Variants in CACHD1 observed in about 807,000 individuals in gnomAD.
CACHD1 encodes VWFA and cache domain-containing protein 1.
CACHD1 carries 71 observed loss-of-function variants against 138.7 expected under a neutral mutation model. The observed-to-expected ratio is 0.51, with a 90% CI of 0.42 to 0.62. CACHD1 has a LOEUF of 0.62. CACHD1 is among the 20% of genes least tolerant of loss of function. CACHD1 has a pLI of 0.00. For synonymous variants in CACHD1, 578 were observed against 591.5 expected (o/e 0.98, Z 0.33); for missense variants, 1,389 against 1,625.3 (o/e 0.85, Z 2.50).
At chr1:64,569,113 G>A (rs1416839011) in intron 2 of CACHD1, among the ~76,000 whole-genome samples, 5 of 151,652 alleles carry the variant, frequency 3.3e-5, no homozygotes, top group Non-Finnish European at 5.9e-5. Context: ...TAGAGATGGG[G>A]TCTCTCCATG....
intron 2 of CACHD1, among the ~76,000 whole-genome samples, chr1:64,572,264 G>A (rs1489695129): frequency 2.0e-5 from 3 of 152,132 alleles, no homozygotes; most frequent in Non-Finnish European, 4.4e-5. Flanking sequence ...AAGAATAGGT[G>A]GAACTTCTTT....
chr1:64,597,655 G>A (rs144594827), intron 3 of CACHD1, among the ~76,000 whole-genome samples: 88 of 150,916 alleles, frequency 5.8e-4, no homozygotes, highest in African/African-American at 2.0e-3. Context: ...TAGAGTCAGG[G>A]TCTAAAGGAG....
In CACHD1 at chr1:64,567,637, A is replaced by G. The variant is rs1289168209; in HGVS notation, c.262-14519A>G. On this transcript the variant is annotated intron_variant, in intron 2 of 26. Transcript: ENST00000651257. Reference sequence around the variant, plus strand: ...AGGTGATAGGATTGGGATTTTAGCCAAAGTGGTCTAACTCTAAAACCCATG... The same window carrying G: ...AGGTGATAGGATTGGGATTTTAGCCGAAGTGGTCTAACTCTAAAACCCATG... 2.6e-5 allele frequency among the ~76,000 whole-genome samples: 4 copies of G among 152,270 alleles called. No individual in the cohort carries two copies. In the South Asian group the frequency reaches 8.3e-4, roughly 32 times the overall value.
chr1:64,683,404 G>C (rs1455526991), intron 26 of CACHD1, among the ~76,000 whole-genome samples: 1 of 152,184 alleles, frequency 6.6e-6, no homozygotes, highest in Non-Finnish European at 1.5e-5. Context: ...GGCTACTAAA[G>C]TTCAACAGAA....
At chr1:64,681,541 G>GTTTTGT (rs1553146853) in intron 25 of CACHD1, among the ~76,000 whole-genome samples, 1 of 68,132 alleles carries the variant, frequency 1.5e-5, no homozygotes, top group African/African-American at 7.3e-5. Flanking sequence ...ATTTTATTGT[G>GTTTTGT]TTTTTTTTTT....
chr1:64,585,118 A>T (rs1314574437), intron 3 of CACHD1, among the ~76,000 whole-genome samples: 1 of 152,212 alleles, frequency 6.6e-6, no homozygotes, highest in East Asian at 1.9e-4. Flanking sequence ...AGTTAGGAAA[A>T]TTGTATCACA....
intron 26 of CACHD1, among the ~76,000 whole-genome samples, chr1:64,683,902 C>T (rs1650270380): frequency 6.6e-6 from 1 of 152,154 alleles, no homozygotes; most frequent in Non-Finnish European, 1.5e-5. Context: ...CTACATACAC[C>T]CATTAAACAA....
intron 4 of CACHD1, among the ~76,000 whole-genome samples, chr1:64,625,166 G>C (rs909718428): frequency 6.6e-6 from 1 of 152,218 alleles, no homozygotes; most frequent in Admixed American, 6.5e-5. Flanking sequence ...GTGAGGGATA[G>C]GGGATGAGTG....
chr1:64,634,321 A>T, intron 7 of CACHD1, 61 bp downstream of exon 7: 1 of 1,111,796 alleles, frequency 9.0e-7, no homozygotes, highest in Admixed American at 1.8e-5. Flanking sequence ...ATAGGAATAT[A>T]TTGTAAATTG....
Position 64,470,678 on chromosome 1 carries a change from G to T in CACHD1, c.-67G>T. The stretch of plus-strand genomic sequence containing the variant: ...TTGCGGGGTGCGCCGCGCTTTTGCG[G>T]GGGGCACCTCCCGCGGCCCGCTTCC... On this transcript the variant is annotated 5_prime_UTR_variant, in exon 1 of 27. Transcript: ENST00000651257. The surrounding 1 kb of genome is among the most constrained non-coding windows in gnomAD (Gnocchi z 5.2). 2.2e-6 allele frequency: 1 copy of T among 460,164 alleles called. No individual in the cohort carries two copies. Among genetic ancestry groups the T allele is most frequent in the African/African-American group, 2.1e-5 (1 of 48,474 alleles). The allele number at this position is 460,164 out of a possible 1,614,324, so 28.5% of individuals were successfully genotyped here.
chr1:64,620,082 T>C (rs1191356115), intron 4 of CACHD1, among the ~76,000 whole-genome samples: 2 of 152,228 alleles, frequency 1.3e-5, no homozygotes, highest in East Asian at 3.9e-4. Flanking sequence ...GAATTTTTCG[T>C]TGGTAAAGGT....
chr1:64,686,341 CA>C (rs1419789064), intron 26 of CACHD1, among the ~76,000 whole-genome samples: 1 of 152,100 alleles, frequency 6.6e-6, no homozygotes, highest in African/African-American at 2.4e-5. Flanking sequence ...TGAATGTTAC[CA>C]AACTAAACTT....
At chr1:64,489,439 CAA>C (rs1348883220) in intron 1 of CACHD1, among the ~76,000 whole-genome samples, 1 of 152,096 alleles carries the variant, frequency 6.6e-6, no homozygotes, top group Non-Finnish European at 1.5e-5. Context: ...CCCCAGTTTA[CAA>C]AGAGTCTGGA....
intron 9 of CACHD1, among the ~76,000 whole-genome samples, chr1:64,649,830 T>G (rs1561167): frequency 1.3e-5 from 2 of 151,982 alleles, no homozygotes; most frequent in African/African-American, 4.8e-5. Flanking sequence ...GTGTTATGAA[T>G]CCTGTGCAGT....
intron 2 of CACHD1, among the ~76,000 whole-genome samples, chr1:64,578,049 A>T (rs1052775898): frequency 6.6e-6 from 1 of 152,202 alleles, no homozygotes; most frequent in Non-Finnish European, 1.5e-5. Context: ...GGACCTTTTA[A>T]CATTCTGCTC....
At chr1:64,607,574 C>T (rs140275002) in intron 4 of CACHD1, among the ~76,000 whole-genome samples, 13 of 152,258 alleles carry the variant, frequency 8.5e-5, no homozygotes, top group African/African-American at 2.9e-4. Context: ...AGAAATTATA[C>T]TCAGTTTATG....
Position 64,691,529 on chromosome 1 carries a change from G to A in CACHD1, c.3793G>A (p.Val1265Ile), listed in dbSNP as rs201931780. The change falls in exon 27 of 27, where the codon GTC (valine) becomes ATC (isoleucine). Residue 1265 changes from valine to isoleucine, a missense_variant. This residue lies in a region of CACHD1 where 78 missense variants were observed against 76.9 expected (regional missense o/e 1.01). Transcript: ENST00000651257. ...TCATAGCCACCACTTACAGGCGGCC[G>A]TCACGGTACACACTGTCGATGCAGA... The part of the protein sequence containing the change: ...LHHSHHLQAA[V>I]TVHTVDAEC The A allele has an allele frequency of 6.3e-5, 101 of 1,613,850 alleles. No homozygotes were observed. Among genetic ancestry groups the A allele is most frequent in the Non-Finnish European group, 7.6e-5 (90 of 1,179,976 alleles).
At chr1:64,536,726 G>A (rs895867511) in intron 1 of CACHD1, among the ~76,000 whole-genome samples, 18 of 152,318 alleles carry the variant, frequency 1.2e-4, no homozygotes, top group African/African-American at 3.8e-4. Flanking sequence ...TACTGAACAT[G>A]TATGGGTGAT....
chr1:64,569,570 G>A (rs184081646), intron 2 of CACHD1, among the ~76,000 whole-genome samples: 8 of 152,256 alleles, frequency 5.3e-5, no homozygotes, highest in Non-Finnish European at 1.0e-4. Context: ...GGAGCAGCGG[G>A]GGCCTTGCGG....
Sources: allele counts gnomAD v4.1 joint callset (sites outside exome capture counted in the v4.1 genomes callset), GRCh38; gene constraint gnomAD v4.1.1; regional missense constraint gnomAD v4.1.1; non-coding constraint Gnocchi (gnomAD v3.1); transcripts MANE v1.5; gene names NCBI Gene and HGNC (gene_info 2026-07-23, HGNC 2026-07-21).